PRTG: variants seen among roughly 807,000 people sequenced by gnomAD.
PRTG encodes the protein protogenin.
PRTG carries 67 observed loss-of-function variants against 122.5 expected under a neutral mutation model. The ratio of observed to expected loss-of-function variants is 0.55; its 90% CI spans 0.45 to 0.67. PRTG has a LOEUF of 0.67. Among genes scored for constraint, PRTG ranks in the 30% least tolerant of loss-of-function variants. PRTG has a pLI of 0.00. For missense variants in PRTG, 1,435 were observed against 1,415.4 expected (o/e 1.01, Z -0.22); for synonymous variants, 554 against 501.1 (o/e 1.11, Z -1.41).
chr15:55,682,910 A>G (rs1489301273), intron 3 of PRTG, among the ~76,000 whole-genome samples: 2 of 152,098 alleles, frequency 1.3e-5, no homozygotes, highest in Non-Finnish European at 2.9e-5. Flanking sequence ...AATACACTCA[A>G]CCTTTTTACA....
intron 2 of PRTG, among the ~76,000 whole-genome samples, chr15:55,723,972 C>T (rs1338231574): frequency 6.6e-6 from 1 of 152,012 alleles, no homozygotes; most frequent in Non-Finnish European, 1.5e-5. Context: ...AGGCTGGTCT[C>T]GAACTCCTGA....
At chr15:55,720,371 A>G (rs1275728855) in intron 2 of PRTG, among the ~76,000 whole-genome samples, 1 of 152,192 alleles carries the variant, frequency 6.6e-6, no homozygotes, top group Non-Finnish European at 1.5e-5. Flanking sequence ...AAACAAAACA[A>G]AACAAAATAA....
intron 2 of PRTG, among the ~76,000 whole-genome samples, chr15:55,695,848 GTAGTCTCA>G (rs558433144): frequency 1.1e-3 from 175 of 152,270 alleles, no homozygotes; most frequent in African/African-American, 4.1e-3. Flanking sequence ...GTTCATACCT[GTAGTCTCA>G]GCTACTCTGG....
intron 12 of PRTG, 143 bp downstream of exon 12, chr15:55,640,970 A>T: frequency 5.7e-6 from 3 of 530,550 alleles, no homozygotes; most frequent in South Asian, 6.8e-5. Context: ...CAAACAAAAC[A>T]AAAAAACTAC....
In PRTG at chr15:55,679,362, T is replaced by C. The variant is rs768293141; in HGVS notation, c.1057A>G (p.Ile353Val). The C allele has an allele frequency of 1.2e-6, 2 of 1,613,448 alleles. No homozygotes were observed. Among genetic ancestry groups the C allele is most frequent in the South Asian group, 2.2e-5 (2 of 91,052 alleles). The change falls in exon 7 of 20, where the codon ATC becomes GTC. Residue 353 changes from isoleucine to valine, a missense_variant. Transcript: ENST00000389286. ...TARFVCQAEG[I>V]PSPKMSWLKN... Reference sequence around the variant, plus strand: ...AACCATGACATCTTGGGAGAGGGGATTCCTTCTGCCTGACACACAAATCGA... The same window carrying C: ...AACCATGACATCTTGGGAGAGGGGACTCCTTCTGCCTGACACACAAATCGA...
intron 11 of PRTG, among the ~76,000 whole-genome samples, chr15:55,650,862 T>C (rs2059349650): frequency 6.6e-6 from 1 of 151,880 alleles, no homozygotes. Flanking sequence ...AGCTACTTGG[T>C]ATGCTTAGGT....
chr15:55,666,771 G>T (rs1405507469), intron 11 of PRTG, among the ~76,000 whole-genome samples: 2 of 152,108 alleles, frequency 1.3e-5, no homozygotes, highest in African/African-American at 2.4e-5. Context: ...ACTAACATTT[G>T]TTGAGAACTT....
intron 7 of PRTG, among the ~76,000 whole-genome samples, chr15:55,678,386 A>C (rs139764055): frequency 2.2e-3 from 340 of 152,124 alleles, no homozygotes; most frequent in Middle Eastern, 0.014. Flanking sequence ...AGTAGCCGGG[A>C]CTCCAGGCAT....
chr15:55,637,102 C>G, intron 15 of PRTG, 68 bp downstream of exon 15: 8 of 1,229,998 alleles, frequency 6.5e-6, no homozygotes, highest in Middle Eastern at 3.1e-4. Context: ...CTAGATTCCC[C>G]TTTCCTTTTG....
intron 11 of PRTG, among the ~76,000 whole-genome samples, chr15:55,652,702 C>T (rs906276577): frequency 2.0e-5 from 3 of 152,084 alleles, no homozygotes; most frequent in Admixed American, 6.6e-5. Context: ...CCGAGTGAAA[C>T]GCTACGATAA....
chr15:55,692,680 G>T lies in PRTG; in HGVS notation c.398-8749C>A, dbSNP rs535201108. Among the ~76,000 whole-genome samples, 85 of 150,698 alleles carry T rather than the reference G, an allele frequency of 5.6e-4. No individual in the cohort carries two copies. The South Asian group carries it at 7.8e-3, about 14-fold the overall frequency. On this transcript the variant is annotated intron_variant, in intron 2 of 19. Transcript: ENST00000389286. ...TTTAAGTGTTTTTTTTTTAATTTTT[G>T]ATTTACAGCTGTTCTACAATGATAA...
chr15:55,719,440 T>C (rs981245021), intron 2 of PRTG, among the ~76,000 whole-genome samples: 1 of 152,208 alleles, frequency 6.6e-6, no homozygotes. Context: ...AAAACTTTAA[T>C]GAGAAAAGAA....
intron 11 of PRTG, among the ~76,000 whole-genome samples, chr15:55,645,541 C>T (rs1315823618): frequency 6.7e-6 from 1 of 148,296 alleles, no homozygotes; most frequent in Non-Finnish European, 1.5e-5. Flanking sequence ...AAACATAGAA[C>T]AGCTACAGAA....
At chr15:55,742,790 C>T in intron 1 of PRTG, 48 bp downstream of exon 1, 1 of 1,537,498 alleles carries the variant, frequency 6.5e-7, no homozygotes, top group Non-Finnish European at 8.8e-7. Flanking sequence ...CACTCGCGCC[C>T]GCTCCCGCCC....
intron 9 of PRTG, among the ~76,000 whole-genome samples, chr15:55,674,511 A>AGGT (rs888396093): frequency 3.3e-5 from 5 of 152,192 alleles, no homozygotes; most frequent in Non-Finnish European, 7.4e-5. Context: ...AATAGCAACG[A>AGGT]GGTAACTAGA....
At chr15:55,622,216 GTT>G (rs35973280) in intron 18 of PRTG, among the ~76,000 whole-genome samples, 5 of 113,406 alleles carry the variant, frequency 4.4e-5, no homozygotes, top group African/African-American at 3.4e-5. Context: ...ATTAGTACTT[GTT>G]TTTTTTTTTT....
intron 11 of PRTG, among the ~76,000 whole-genome samples, chr15:55,665,967 C>T (rs2059437101): frequency 6.6e-6 from 1 of 152,182 alleles, no homozygotes; most frequent in Non-Finnish European, 1.5e-5. Context: ...TAACCACATG[C>T]ATGCATTTAT....
chr15:55,708,079 T>C (rs1262361796), intron 2 of PRTG, among the ~76,000 whole-genome samples: 2 of 140,110 alleles, frequency 1.4e-5, no homozygotes, highest in East Asian at 4.0e-4. Context: ...AAGTCTGATT[T>C]CCCACAATCA....
chr15:55,679,244 A>G, intron 7 of PRTG, 42 bp downstream of exon 7: 1 of 1,358,448 alleles, frequency 7.4e-7, no homozygotes, highest in South Asian at 1.2e-5. Context: ...TACTAAAGCC[A>G]TTATATCATA....
Sources: gnomAD v4.1 joint callset for allele counts (sites outside exome capture counted in the v4.1 genomes callset) on GRCh38, gnomAD v4.1.1 for gene constraint, MANE v1.5 for transcripts, NCBI Gene and HGNC (gene_info 2026-07-23, HGNC 2026-07-21) for gene names.